The following TICRR variants were observed in gnomAD, a reference collection of about 807,000 sequenced individuals.
The protein encoded by TICRR is treslin.
In TICRR, 132 loss-of-function variants were observed where a neutral mutation model predicts 178.1. That is an observed-to-expected ratio of 0.74 (90% confidence interval 0.64 to 0.86). The LOEUF (loss-of-function observed/expected upper bound fraction) is 0.86, where lower values mean the gene tolerates loss of function less well. Among genes scored for constraint, TICRR ranks in the 40% least tolerant of loss-of-function variants. The probability of loss-of-function intolerance (pLI) is 0.00; values close to 1 mark genes in which losing one functional copy is unlikely to be tolerated. For missense variants in TICRR, 2,587 were observed against 2,334.3 expected, an observed-to-expected ratio of 1.11 and a Z score of -2.23; for synonymous variants, 991 against 900.7, an observed-to-expected ratio of 1.10 and a Z score of -1.79.
chr15:89,582,739 C>T lies in TICRR; in HGVS notation c.708C>T (p.His236=), dbSNP rs1567039818. 1 of 1,614,190 alleles carries T rather than the reference C, an allele frequency of 6.2e-7. No homozygotes were observed. The highest frequency in any genetic ancestry group is 8.5e-7 in the Non-Finnish European group (1 of 1,180,012). Residue 236 remains histidine, a synonymous_variant, in exon 2 of 22, where the codon CAC becomes CAT. Transcript: ENST00000268138. ...ACTGGACTGTTTGTGAACTGCTCCA[C>T]CACGGAGGTGGCACTGTCTTGCCAT... is the stretch of plus-strand genomic sequence containing the variant. The part of the protein sequence containing the change: ...LGYWTVCELL[H]HGGGTVLPSE...
intron 18 of TICRR, 140 bp downstream of exon 18, chr15:89,619,982 T>A: frequency 9.9e-7 from 1 of 1,015,168 alleles, no homozygotes; most frequent in East Asian, 2.6e-5. Context: ...AGGTTCAGGG[T>A]GATGGCTAGA....
In TICRR at chr15:89,585,826, A is replaced by G. The variant is rs370946859; in HGVS notation, c.1295A>G (p.His432Arg). The change falls in exon 4 of 22, where the codon CAT (histidine) becomes CGT (arginine). Residue 432 changes from histidine (H) to arginine (R), a missense_variant. Coordinates refer to ENST00000268138, the MANE Select transcript of TICRR (RefSeq NM_152259.4). Reference sequence around the variant, plus strand: ...ACCAAGGAGGCTGAATTTCAACGACATGTTCTCCAAACAGCTGTGGCTGAC... The same window carrying G: ...ACCAAGGAGGCTGAATTTCAACGACGTGTTCTCCAAACAGCTGTGGCTGAC... ...CRTKEAEFQR[H>R]VLQTAVADSP... 21 of 1,614,134 alleles carry G rather than the reference A, an allele frequency of 1.3e-5. No homozygotes were observed. The highest frequency in any genetic ancestry group is 1.7e-5 in the Non-Finnish European group (20 of 1,180,014).
chr15:89,602,901 A>G lies in TICRR; in HGVS notation c.2664+9A>G. On this transcript the variant is annotated intron_variant, in intron 13 of 21. Coordinates refer to ENST00000268138, the MANE Select transcript of TICRR (RefSeq NM_152259.4). ...AGAGAGCTACGAAAAAAGTAAGTAAACCTTCCAGCTTGAGATGACACAGTA... is the reference window on the plus strand; with the variant it reads ...AGAGAGCTACGAAAAAAGTAAGTAAGCCTTCCAGCTTGAGATGACACAGTA... The G allele has an allele frequency of 1.4e-6, 2 of 1,467,812 alleles. No individual in the cohort carries two copies. Among genetic ancestry groups the G allele is most frequent in the Non-Finnish European group, 9.1e-7 (1 of 1,099,558 alleles). 90.9% of individuals were successfully genotyped at this position (1,467,812 alleles called of 1,614,324 possible).
Position 89,583,078 on chromosome 15 carries a change from T to TTGTCAGCTTCTCA in TICRR, c.934+113_934+114insTGTCAGCTTCTCA, listed in dbSNP as rs1436697291. Reference sequence around the variant, plus strand: ...TCTCACAGCCCAGGCACTCAACGAATGCTTGTCATGAAAGAATTAAAAGAC... The same window carrying TTGTCAGCTTCTCA: ...TCTCACAGCCCAGGCACTCAACGAATTGTCAGCTTCTCAGCTTGTCATGAAAGAATTAAAAGAC... On this transcript the variant is annotated intron_variant, in intron 2 of 21. Coordinates refer to ENST00000268138, the MANE Select transcript of TICRR (RefSeq NM_152259.4). 4.3e-6 allele frequency: 5 copies of TTGTCAGCTTCTCA among 1,159,260 alleles called. No individual in the cohort carries two copies. The African/African-American group carries it at 6.3e-5, about 15-fold the overall frequency. The allele number at this position is 1,159,260 out of a possible 1,614,324, so 71.8% of individuals were successfully genotyped here.
At chr15:89,598,093 A>C (rs1963028358) in intron 7 of TICRR, among the ~76,000 whole-genome samples, 1 of 152,042 alleles carries the variant, frequency 6.6e-6, no homozygotes, top group Admixed American at 6.6e-5. Context: ...TATCCTGCAA[A>C]TTTGCTATAA....
At chr15:89,626,855 T>TA (rs1298328723) in intron 21 of TICRR, 101 bp from the exon 22 acceptor site, 3 of 1,340,678 alleles carry the variant, frequency 2.2e-6, no homozygotes, top group African/African-American at 1.5e-5. Flanking sequence ...CTGATTTTCT[T>TA]AAAGTCTGTT....
rs1355820506 is a variant in TICRR at position 89,626,818 on chromosome 15, G to A, written c.5603-138G>A. On this transcript the variant is annotated intron_variant, in intron 21 of 21. Coordinates refer to ENST00000268138, the MANE Select transcript of TICRR (RefSeq NM_152259.4). ...TCTAAAAAGTGTAGGTACCATTTCT[G>A]TAGGATAAGCGAACCTCCAAGCAGT... The A allele has an allele frequency of 7.6e-6, 7 of 919,772 alleles. No individual in the cohort carries two copies. The South Asian group carries it at 8.2e-5, about 11-fold the overall frequency. The allele number at this position is 919,772 out of a possible 1,614,324, so 57.0% of individuals were successfully genotyped here. A position where few individuals can be genotyped will look rare whatever the true frequency, so the allele number is the denominator to read the frequency against.
intron 7 of TICRR, among the ~76,000 whole-genome samples, chr15:89,596,173 A>T (rs1034611841): frequency 6.6e-6 from 1 of 152,220 alleles, no homozygotes; most frequent in Non-Finnish European, 1.5e-5. Context: ...TGAGAAAGAC[A>T]TAATCTTTTC....
intron 15 of TICRR, among the ~76,000 whole-genome samples, chr15:89,609,465 A>G (rs191694531): frequency 2.7e-5 from 4 of 150,404 alleles, no homozygotes; most frequent in African/African-American, 9.8e-5. Flanking sequence ...TTTTTTCTCT[A>G]TTGGTTTTCT....
At chr15:89,621,611 A>G (rs2141981718) in intron 19 of TICRR, 61 bp downstream of exon 19, 1 of 1,403,086 alleles carries the variant, frequency 7.1e-7, no homozygotes, top group Non-Finnish European at 9.8e-7. Flanking sequence ...GACATGGCCA[A>G]GGAACTCAGA....
intron 1 of TICRR, among the ~76,000 whole-genome samples, chr15:89,579,441 G>A (rs934352895): frequency 2.6e-5 from 4 of 152,108 alleles, no homozygotes; most frequent in African/African-American, 9.7e-5. Flanking sequence ...CGCCTCCTGG[G>A]TTCAAGTGAT....
At position 89,623,783 on chromosome 15, in the gene TICRR, A is replaced by G; in HGVS notation, c.3473A>G (p.Lys1158Arg). Reference sequence around the variant, plus strand: ...CAGGCAGCTTTTAAGGAGTCCTTAAAAGACTCCTCCTCACCCGGCCATGAC... The same window carrying G: ...CAGGCAGCTTTTAAGGAGTCCTTAAGAGACTCCTCCTCACCCGGCCATGAC... The part of the protein sequence containing the change: ...TKQAAFKESL[K>R]DSSSPGHDSP... Residue 1158 changes from lysine (K) to arginine (R), a missense_variant, in exon 20 of 22, where the codon AAA (lysine) becomes AGA (arginine). Physicochemically the swap from Lys to Arg is conservative, Grantham distance 26. Coordinates refer to ENST00000268138, the MANE Select transcript of TICRR (RefSeq NM_152259.4). 2 of 1,613,932 alleles carry G rather than the reference A, an allele frequency of 1.2e-6. No individual in the cohort carries two copies. Among genetic ancestry groups the G allele is most frequent in the Non-Finnish European group, 1.7e-6 (2 of 1,179,982 alleles).
At chr15:89,620,953 C>T (rs1431803607) in intron 18 of TICRR, among the ~76,000 whole-genome samples, 1 of 151,274 alleles carries the variant, frequency 6.6e-6, no homozygotes, top group Non-Finnish European at 1.5e-5. Flanking sequence ...CGATCTCCGA[C>T]TTAGTGATCT....
chr15:89,626,130 C>G, intron 21 of TICRR, 69 bp downstream of exon 21: 1 of 1,576,896 alleles, frequency 6.3e-7, no homozygotes, highest in Non-Finnish European at 8.6e-7. Context: ...GGTTGCCAGG[C>G]AGCTCGATTC....
chr15:89,614,120 C>G (rs1963297647), intron 15 of TICRR, among the ~76,000 whole-genome samples: 1 of 151,976 alleles, frequency 6.6e-6, no homozygotes, highest in Non-Finnish European at 1.5e-5. Context: ...CGCCACTGCA[C>G]TCCAGCCTGG....
intron 16 of TICRR, among the ~76,000 whole-genome samples, chr15:89,617,497 A>G (rs533383924): frequency 3.3e-5 from 5 of 152,266 alleles, no homozygotes; most frequent in Non-Finnish European, 7.3e-5. Flanking sequence ...TCCAAAAAAT[A>G]AAAGCAAAAC....
intron 11 of TICRR, 54 bp downstream of exon 11, chr15:89,601,622 T>A: frequency 6.2e-7 from 1 of 1,607,774 alleles, no homozygotes; most frequent in Non-Finnish European, 8.5e-7. Flanking sequence ...AAAACCTATG[T>A]ATGGTGTTGT....
Position 89,599,313 on chromosome 15 carries a change from T to G in TICRR, c.1901-11T>G. Reference sequence around the variant, plus strand: ...ATATGATTAATCCATTTTATTTTATTTTTTTCTCAGATTTTAAAACTGAGG... The same window carrying G: ...ATATGATTAATCCATTTTATTTTATGTTTTTCTCAGATTTTAAAACTGAGG... On this transcript the variant is annotated splice_polypyrimidine_tract_variant and intron_variant, in intron 7 of 21. Coordinates refer to ENST00000268138, the MANE Select transcript of TICRR (RefSeq NM_152259.4). 1 of 1,592,708 alleles carries G rather than the reference T, an allele frequency of 6.3e-7. No homozygotes were observed. Among genetic ancestry groups the G allele is most frequent in the Non-Finnish European group, 8.5e-7 (1 of 1,171,384 alleles).
intron 15 of TICRR, 125 bp downstream of exon 15, chr15:89,609,074 G>T: frequency 2.2e-6 from 1 of 452,346 alleles, no homozygotes; most frequent in Non-Finnish European, 3.5e-6. Flanking sequence ...CTTCAGTCTA[G>T]CTAAAGGTTT....
Sources: gnomAD v4.1 joint callset for allele counts (sites outside exome capture counted in the v4.1 genomes callset) on GRCh38, gnomAD v4.1.1 for gene constraint, MANE v1.5 for transcripts, NCBI Gene and HGNC (gene_info 2026-07-23, HGNC 2026-07-21) for gene names.